The following TRPC6 variants were observed in gnomAD, a reference collection of about 807,000 sequenced individuals.
TRPC6 encodes transient receptor potential cation channel subfamily C member 6.
Under a neutral mutation model 90.7 loss-of-function variants are expected in TRPC6, and 55 were observed. The observed-to-expected ratio is 0.61, with a 90% confidence interval of 0.49 to 0.76. The LOEUF is 0.76. TRPC6 is among the 30% of genes least tolerant of loss of function. The pLI is 0.00. For missense variants in TRPC6, 989 were observed against 1,122.7 expected (o/e 0.88, Z 1.70); for synonymous variants, 393 against 393.0 (o/e 1.00, Z 0.00).
At chr11:101,494,049 A>G (rs1859887627) in intron 2 of TRPC6, among the ~76,000 whole-genome samples, 1 of 152,200 alleles carries the variant, frequency 6.6e-6, no homozygotes, top group South Asian at 2.1e-4. Flanking sequence ...GGCTCAAACT[A>G]CTTATAAACA....
At chr11:101,453,131 G>A in intron 12 of TRPC6, 25 bp from the exon 13 acceptor site, 2 of 1,514,026 alleles carry the variant, frequency 1.3e-6, no homozygotes, top group South Asian at 2.3e-5. Flanking sequence ...GTGATAAGAA[G>A]TCAACTATAA....
At chr11:101,538,177 A>C (rs1347039222) in intron 1 of TRPC6, among the ~76,000 whole-genome samples, 1 of 151,296 alleles carries the variant, frequency 6.6e-6, no homozygotes, top group Non-Finnish European at 1.5e-5. Flanking sequence ...TTTGTTCTTT[A>C]TTTCTAATAC....
rs151150565 is a variant in TRPC6 at position 101,492,840 on chromosome 11, A to G, written c.946-1102T>C. ...GTGTCTATTTAACAGATTTTAATTG[A>G]AGAACTTTATATGGCAGGCACAGGG... On this transcript the variant is annotated intron_variant, in intron 2 of 12. Coordinates refer to ENST00000344327, the MANE Select transcript of TRPC6 (RefSeq NM_004621.6). Among the ~76,000 whole-genome samples, 683 of 152,326 alleles carry G rather than the reference A, an allele frequency of 4.5e-3. 3 individuals are homozygous for G. The highest frequency in any genetic ancestry group is 0.016 in the African/African-American group (650 of 41,574).
At chr11:101,490,299 A>G (rs1320476371) in intron 3 of TRPC6, among the ~76,000 whole-genome samples, 1 of 152,254 alleles carries the variant, frequency 6.6e-6, no homozygotes, top group Non-Finnish European at 1.5e-5. Context: ...TTGTCCAAGA[A>G]AGAAATTTGT....
chr11:101,471,159 T>C, intron 9 of TRPC6, 24 bp downstream of exon 9: 2 of 1,611,122 alleles, frequency 1.2e-6, no homozygotes, highest in Non-Finnish European at 1.7e-6. Flanking sequence ...AAGAATACAA[T>C]GATAACTTAT....
intron 1 of TRPC6, among the ~76,000 whole-genome samples, chr11:101,564,992 G>T (rs922942009): frequency 6.6e-6 from 1 of 152,040 alleles, no homozygotes; most frequent in African/African-American, 2.4e-5. Flanking sequence ...TTCAATAAAT[G>T]ATATGGAAAA....
At chr11:101,484,860 C>T (rs1565212361) in intron 4 of TRPC6, among the ~76,000 whole-genome samples, 1 of 151,872 alleles carries the variant, frequency 6.6e-6, no homozygotes, top group Admixed American at 6.6e-5. Flanking sequence ...TTTAAATTGA[C>T]ATATATTTGT....
chr11:101,456,351 A>G (rs893344222), intron 10 of TRPC6, among the ~76,000 whole-genome samples: 15 of 152,192 alleles, frequency 9.9e-5, no homozygotes, highest in African/African-American at 3.6e-4. Flanking sequence ...ATGCATAAAA[A>G]CTTCCACATA....
intron 6 of TRPC6, among the ~76,000 whole-genome samples, chr11:101,475,834 T>C (rs1444552543): frequency 2.0e-5 from 3 of 149,616 alleles, no homozygotes; most frequent in African/African-American, 7.6e-5. Flanking sequence ...GGAATACTAT[T>C]CCATTGCACA....
intron 2 of TRPC6, among the ~76,000 whole-genome samples, chr11:101,500,163 T>C (rs1250472829): frequency 6.7e-6 from 1 of 149,002 alleles, no homozygotes; most frequent in Non-Finnish European, 1.5e-5. Context: ...CCAATAAGAA[T>C]TGTGTCACAT....
In TRPC6 at chr11:101,504,305, G is replaced by A; in HGVS notation, c.664C>T (p.Pro222Ser). 1 of 1,613,300 alleles carries A rather than the reference G, an allele frequency of 6.2e-7. No homozygotes were observed. Among genetic ancestry groups the A allele is most frequent in the Non-Finnish European group, 8.5e-7 (1 of 1,179,286 alleles). The change falls in exon 2 of 13, where the codon CCA (proline) becomes TCA (serine). Residue 222 changes from proline (P) to serine (S), a missense_variant. This residue lies in a region of TRPC6 where 486 missense variants were observed against 591.9 expected (regional missense o/e 0.82). Coordinates refer to ENST00000344327, the MANE Select transcript of TRPC6 (RefSeq NM_004621.6). ...DGTRFSHDVT[P>S]IILAAHCQEY... Reference sequence around the variant, plus strand: ...TGGCAGTGGGCAGCCAGAATGATTGGAGTCACATCATGGGAGAACCGTGTC... The same window carrying A: ...TGGCAGTGGGCAGCCAGAATGATTGAAGTCACATCATGGGAGAACCGTGTC...
At position 101,549,956 on chromosome 11, in the gene TRPC6, T is replaced by C. The variant is rs564861014; in HGVS notation, c.170+33378A>G. Among the ~76,000 whole-genome samples the C allele has an allele frequency of 1.5e-4, 22 of 151,688 alleles. No individual in the cohort carries two copies. In the East Asian group the frequency reaches 3.5e-3, roughly 24 times the overall value. On this transcript the variant is annotated intron_variant, in intron 1 of 12. Transcript: ENST00000344327. ...TGAGTTAGCAGTATAAAGAATGATATCAAAAGTATACAAGACTGATACCAA... is the reference window on the plus strand; with the variant it reads ...TGAGTTAGCAGTATAAAGAATGATACCAAAAGTATACAAGACTGATACCAA...
At chr11:101,552,358 C>T (rs940486212) in intron 1 of TRPC6, among the ~76,000 whole-genome samples, 1 of 152,066 alleles carries the variant, frequency 6.6e-6, no homozygotes, top group African/African-American at 2.4e-5. Context: ...AACAAAGCCA[C>T]ATGAGGCTGG....
intron 1 of TRPC6, among the ~76,000 whole-genome samples, chr11:101,538,659 AAG>A (rs1423629921): frequency 6.6e-6 from 1 of 152,226 alleles, no homozygotes; most frequent in Admixed American, 6.5e-5. Context: ...AGCCCTTAAA[AAG>A]AGAAAACTTT....
chr11:101,561,742 G>A (rs534887039), intron 1 of TRPC6, among the ~76,000 whole-genome samples: 2 of 151,480 alleles, frequency 1.3e-5, no homozygotes, highest in South Asian at 4.2e-4. Context: ...CATGTTAAAT[G>A]GGAAAGAAAA....
At chr11:101,484,002 C>CTT (rs1306531556) in intron 4 of TRPC6, among the ~76,000 whole-genome samples, 3 of 152,152 alleles carry the variant, frequency 2.0e-5, no homozygotes, top group Admixed American at 2.0e-4. Context: ...ATGAACAAAA[C>CTT]TTAAGCTGTG....
At chr11:101,570,707 G>C (rs1226620330) in intron 1 of TRPC6, among the ~76,000 whole-genome samples, 1 of 152,252 alleles carries the variant, frequency 6.6e-6, no homozygotes, top group South Asian at 2.1e-4. Flanking sequence ...GGGATGCAAG[G>C]CTGGTTCAAC....
rs1398960003 is a variant in TRPC6 at position 101,540,703 on chromosome 11, A to AT, written c.171-35906dup. Among the ~76,000 whole-genome samples, 219 of 152,348 alleles carry AT rather than the reference A, an allele frequency of 1.4e-3. 1 individual carries two copies. The highest frequency in any genetic ancestry group is 5.0e-3 in the African/African-American group (207 of 41,586). On this transcript the variant is annotated intron_variant, in intron 1 of 12. Coordinates refer to ENST00000344327, the MANE Select transcript of TRPC6 (RefSeq NM_004621.6). Reference sequence around the variant, plus strand: ...GGAGTCCAGTTAATTCAGATATAATATTTTTTGTTCTGAAATACTGAAACA... The same window carrying AT: ...GGAGTCCAGTTAATTCAGATATAATATTTTTTTGTTCTGAAATACTGAAACA...
chr11:101,483,783 T>A (rs963286009), intron 4 of TRPC6, among the ~76,000 whole-genome samples: 3 of 152,200 alleles, frequency 2.0e-5, no homozygotes, highest in Non-Finnish European at 4.4e-5. Flanking sequence ...TAGGTTCAGG[T>A]TCCAGTTTCA....
Sources: gnomAD v4.1 joint callset for allele counts (sites outside exome capture counted in the v4.1 genomes callset) on GRCh38, gnomAD v4.1.1 for gene constraint, gnomAD v4.1.1 regional missense constraint, MANE v1.5 for transcripts, NCBI Gene and HGNC (gene_info 2026-07-23, HGNC 2026-07-21) for gene names.